SORL1: variants seen among roughly 807,000 people sequenced by gnomAD.
SORL1 encodes the protein sortilin-related receptor.
In SORL1, 127 loss-of-function variants were observed where a neutral mutation model predicts 273.7. That is an observed-to-expected ratio of 0.46 (90% CI 0.40 to 0.54). The LOEUF (loss-of-function observed/expected upper bound fraction) is 0.54, where lower values mean the gene tolerates loss of function less well. Among genes scored for constraint, SORL1 ranks in the 20% least tolerant of loss-of-function variants. SORL1 has a pLI of 0.00. For synonymous variants in SORL1, 1,031 were observed against 1,067.4 expected, an observed-to-expected ratio of 0.97 and a Z score of 0.66; for missense variants, 2,494 against 2,846.1, an observed-to-expected ratio of 0.88 and a Z score of 2.81.
intron 5 of SORL1, among the ~76,000 whole-genome samples, chr11:121,492,806 AT>A (rs34141065): frequency 1.0e-4 from 14 of 140,314 alleles, no homozygotes; most frequent in Admixed American, 1.4e-4. Flanking sequence ...CTTAAGGGTC[AT>A]TTTTTTTTTT....
intron 21 of SORL1, among the ~76,000 whole-genome samples, chr11:121,564,304 C>G (rs1000727134): frequency 6.6e-6 from 1 of 152,164 alleles, no homozygotes; most frequent in African/African-American, 2.4e-5. Context: ...CATTCCTGCC[C>G]CTGCCTACCT....
chr11:121,556,599 C>T (rs1468072877), intron 18 of SORL1, among the ~76,000 whole-genome samples: 4 of 152,128 alleles, frequency 2.6e-5, no homozygotes, highest in Admixed American at 2.6e-4. Context: ...GGCTGTGGGG[C>T]GACCACTGCA....
chr11:121,519,634 G>A lies in SORL1; in HGVS notation c.1212-1023G>A, dbSNP rs116538457. Among the ~76,000 whole-genome samples the A allele has an allele frequency of 7.8e-3, 1,193 of 152,228 alleles. 18 individuals are homozygous for A. Among genetic ancestry groups the A allele is most frequent in the African/African-American group, 0.027 (1,107 of 41,528 alleles). ...GAGCTTCCTGACAGAAAACCCTGTGGGCTTCTATCTGATCAGGGTGTTGGA... is the reference window on the plus strand; with the variant it reads ...GAGCTTCCTGACAGAAAACCCTGTGAGCTTCTATCTGATCAGGGTGTTGGA... On this transcript the variant is annotated intron_variant, in intron 8 of 47. Coordinates refer to ENST00000260197, the MANE Select transcript of SORL1 (RefSeq NM_003105.6).
Position 121,595,554 on chromosome 11 carries a change from T to C in SORL1, c.4370-69T>C. On this transcript the variant is annotated intron_variant, in intron 31 of 47. Coordinates refer to ENST00000260197, the MANE Select transcript of SORL1 (RefSeq NM_003105.6). The surrounding 1 kb of genome is among the most constrained non-coding windows in gnomAD (Gnocchi z 5.1). ...AAAGCACCGTAATCTCCTAGCATAT[T>C]GATTGGTTGCTGTTATTGGCCAGCT... 7.4e-7 allele frequency: 1 copy of C among 1,355,842 alleles called. No individual in the cohort carries two copies. Among genetic ancestry groups the C allele is most frequent in the South Asian group, 1.3e-5 (1 of 79,450 alleles). 84.0% of individuals were successfully genotyped at this position (1,355,842 alleles called of 1,614,324 possible). A position where few individuals can be genotyped will look rare whatever the true frequency, so the allele number is the denominator to read the frequency against.
intron 37 of SORL1, 49 bp downstream of exon 37, chr11:121,607,339 C>A (rs188745952): frequency 4.7e-6 from 5 of 1,057,860 alleles, no homozygotes; most frequent in Non-Finnish European, 7.3e-6. Context: ...TAGAACTGAG[C>A]GAAATTGCTG....
rs1423279101 is a variant in SORL1, at chr11:121,480,653, C to T, written c.528+2410C>T. Among the ~76,000 whole-genome samples, 145 of 145,212 alleles carry T rather than the reference C, an allele frequency of 1.0e-3. 2 individuals carry two copies. The highest frequency in any genetic ancestry group is 3.5e-3 in the African/African-American group (136 of 38,992). ...GATACCTATAGGCAGGCTTCATCTCCTCCTCCCCAGCTTCTCCCCTAGTGC... is the reference window on the plus strand; with the variant it reads ...GATACCTATAGGCAGGCTTCATCTCTTCCTCCCCAGCTTCTCCCCTAGTGC... On this transcript the variant is annotated intron_variant, in intron 3 of 47. Coordinates refer to ENST00000260197, the MANE Select transcript of SORL1 (RefSeq NM_003105.6).
At chr11:121,538,253 A>G (rs975855162) in intron 12 of SORL1, among the ~76,000 whole-genome samples, 1 of 151,720 alleles carries the variant, frequency 6.6e-6, no homozygotes, top group African/African-American at 2.4e-5. Flanking sequence ...ACACCATTTA[A>G]TCAGTTCTGA....
chr11:121,618,805 T>C lies in SORL1; in HGVS notation c.5636T>C (p.Leu1879Pro). 1 of 1,614,220 alleles carries C rather than the reference T, an allele frequency of 6.2e-7. No homozygotes were observed. Among genetic ancestry groups the C allele is most frequent in the Non-Finnish European group, 8.5e-7 (1 of 1,180,026 alleles). The change falls in exon 42 of 48, where the codon CTT becomes CCT. Residue 1879 changes from leucine (L) to proline (P), a missense_variant. By Grantham distance (98) the Leu-to-Pro change is moderately conservative. This residue lies in a region of SORL1 where 1,609 missense variants were observed against 1,816.4 expected (regional missense o/e 0.89). Coordinates refer to ENST00000260197, the MANE Select transcript of SORL1 (RefSeq NM_003105.6). ...VYGIFYATSF[L>P]DLYRNPKSLT... Reference sequence around the variant, plus strand: ...GGTATTTTCTATGCCACGTCCTTTCTTGACCTCTATCGCAACCCGAAGAGC... The same window carrying C: ...GGTATTTTCTATGCCACGTCCTTTCCTGACCTCTATCGCAACCCGAAGAGC...
intron 30 of SORL1, chr11:121,590,537 T>C (rs1160964295): frequency 1.9e-6 from 1 of 533,540 alleles, no homozygotes; most frequent in African/African-American, 1.9e-5. Context: ...AGCCCCCAGG[T>C]CCTGTGTGCT....
chr11:121,545,463 G>A, intron 14 of SORL1, 34 bp downstream of exon 14: 1 of 1,603,728 alleles, frequency 6.2e-7, no homozygotes, highest in Non-Finnish European at 8.5e-7. Flanking sequence ...GGACTGAGTT[G>A]TGTTTTATTC....
intron 44 of SORL1, 102 bp from the exon 45 acceptor site, chr11:121,622,060 C>A: frequency 1.5e-6 from 1 of 688,198 alleles, no homozygotes. Context: ...TGTAACCCAG[C>A]CCTCCAAGGC....
intron 1 of SORL1, among the ~76,000 whole-genome samples, chr11:121,455,000 A>G (rs1016933435): frequency 6.6e-6 from 1 of 152,166 alleles, no homozygotes. Flanking sequence ...CCTTAAGCCA[A>G]GTTCCACTTT....
rs113230953 is a variant in SORL1 at position 121,568,222 on chromosome 11, C to T, written c.3223+1109C>T. ...GTAATCCTAACCCTGCTTCTCACAG[C>T]GGCCCAAGTCCAAGGCAGTGAAACA... On this transcript the variant is annotated intron_variant, in intron 22 of 47. Coordinates refer to ENST00000260197, the MANE Select transcript of SORL1 (RefSeq NM_003105.6). Among the ~76,000 whole-genome samples the T allele has an allele frequency of 9.7e-3, 1,472 of 152,302 alleles. 29 individuals carry two copies. Among genetic ancestry groups the T allele is most frequent in the African/African-American group, 0.034 (1,402 of 41,550 alleles).
chr11:121,597,070 G>A (rs974816602), intron 32 of SORL1, among the ~76,000 whole-genome samples: 1 of 152,212 alleles, frequency 6.6e-6, no homozygotes, highest in Admixed American at 6.5e-5. Flanking sequence ...AAGAGCAATG[G>A]TGGAGGAGAT....
chr11:121,573,739 G>A (rs1043951820), intron 23 of SORL1, among the ~76,000 whole-genome samples: 3 of 152,166 alleles, frequency 2.0e-5, no homozygotes, highest in Non-Finnish European at 4.4e-5. Context: ...CCAGGAAGAG[G>A]TAGAGCCACG....
intron 3 of SORL1, among the ~76,000 whole-genome samples, chr11:121,482,819 C>A (rs1861413483): frequency 6.6e-6 from 1 of 152,246 alleles, no homozygotes; most frequent in Non-Finnish European, 1.5e-5. Flanking sequence ...TGTCTAGGAG[C>A]ATGAGTGCCT....
intron 3 of SORL1, among the ~76,000 whole-genome samples, chr11:121,478,647 T>C (rs571216003): frequency 4.6e-4 from 70 of 152,258 alleles, no homozygotes; most frequent in African/African-American, 1.6e-3. Context: ...TGTATGCGTG[T>C]GTGTGCATGT....
At chr11:121,490,669 A>C (rs1425706863) in intron 5 of SORL1, among the ~76,000 whole-genome samples, 2 of 146,000 alleles carry the variant, frequency 1.4e-5, no homozygotes, top group East Asian at 4.2e-4. Flanking sequence ...TCAACCTGGG[A>C]GGCAGAGGTT....
intron 5 of SORL1, among the ~76,000 whole-genome samples, chr11:121,496,553 CA>C (rs1861631749): frequency 6.6e-6 from 1 of 152,232 alleles, no homozygotes; most frequent in Non-Finnish European, 1.5e-5. Flanking sequence ...TAGCTTCAAG[CA>C]GTCCCTTGCT....
Sources: gnomAD v4.1 joint callset for allele counts (sites outside exome capture counted in the v4.1 genomes callset) on GRCh38, gnomAD v4.1.1 for gene constraint, gnomAD v4.1.1 regional missense constraint, Gnocchi (gnomAD v3.1) non-coding constraint, MANE v1.5 for transcripts, NCBI Gene and HGNC (gene_info 2026-07-23, HGNC 2026-07-21) for gene names.